PJA2: variants seen among roughly 807,000 people sequenced by gnomAD.
PJA2 encodes E3 ubiquitin-protein ligase Praja-2.
PJA2 carries 25 observed loss-of-function variants against 69.3 expected under a neutral mutation model. That is an observed-to-expected ratio of 0.36 (90% CI 0.26 to 0.50). The LOEUF (loss-of-function observed/expected upper bound fraction) is 0.50. PJA2 is among the 20% of genes least tolerant of loss of function. PJA2 has a pLI of 0.96. For synonymous variants in PJA2, 308 were observed against 277.8 expected (o/e 1.11, Z -1.08); for missense variants, 809 against 830.2 (o/e 0.97, Z 0.31).
chr5:109,387,618 G>C (rs1325472221), intron 1 of PJA2, among the ~76,000 whole-genome samples: 3 of 152,138 alleles, frequency 2.0e-5, no homozygotes, highest in Non-Finnish European at 4.4e-5. Context: ...ATATAAACGT[G>C]TTGCTAAGAA....
rs1226709401 is a variant in PJA2, at chr5:109,354,415, TA to T, written c.1764+1499del. ...CTGATATCTAGAGATATCTATAGAT[TA>T]GATATCTATGATATCTAGAGATGTC... On this transcript the variant is annotated intron_variant, in intron 7 of 9. Transcript: ENST00000361189. Among the ~76,000 whole-genome samples, 73 of 144,122 alleles carry T rather than the reference TA, an allele frequency of 5.1e-4. 3 individuals carry two copies. The highest frequency in any genetic ancestry group is 1.7e-3 in the African/African-American group (63 of 37,702). 94.5% of individuals were successfully genotyped at this position (144,122 alleles called of 152,430 possible).
intron 7 of PJA2, among the ~76,000 whole-genome samples, chr5:109,354,629 ATATAT>A (rs1228385510): frequency 6.9e-6 from 1 of 145,254 alleles, no homozygotes; most frequent in Non-Finnish European, 1.5e-5. Context: ...TCGATATTAG[ATATAT>A]TAGATATATG....
At position 109,379,165 on chromosome 5, in the gene PJA2, C is replaced by A; in HGVS notation, c.322G>T (p.Ala108Ser). 3 of 1,613,992 alleles carry A rather than the reference C, an allele frequency of 1.9e-6. No homozygotes were observed. Among genetic ancestry groups the A allele is most frequent in the Non-Finnish European group, 2.5e-6 (3 of 1,179,932 alleles). Residue 108 changes from alanine (A) to serine (S), a missense_variant, in exon 4 of 10, where the codon GCA becomes TCA. Around this residue, in one of 4 missense-constraint regions of PJA2, gnomAD observed 700 missense variants for 639.5 expected, o/e 1.09. Coordinates refer to ENST00000361189, the MANE Select transcript of PJA2 (RefSeq NM_014819.5). ...SETEIPTCGSALNQTTESSQS... is the reference protein window; with the variant it reads ...SETEIPTCGSSLNQTTESSQS... ...CTGCTCTCAGTGGTTTGATTCAATGCTGAACCACAAGTGGGAATTTCTGTT... is the reference window on the plus strand; with the variant it reads ...CTGCTCTCAGTGGTTTGATTCAATGATGAACCACAAGTGGGAATTTCTGTT...
At chr5:109,354,364 T>G (rs1762362814) in intron 7 of PJA2, among the ~76,000 whole-genome samples, 1 of 136,244 alleles carries the variant, frequency 7.3e-6, no homozygotes, top group South Asian at 2.3e-4. Flanking sequence ...TATCTATATC[T>G]AGAGATATCT....
At position 109,378,826 on chromosome 5, in the gene PJA2, A is replaced by C; in HGVS notation, c.661T>G (p.Ser221Ala). 1 of 1,613,732 alleles carries C rather than the reference A, an allele frequency of 6.2e-7. No homozygotes were observed. The highest frequency in any genetic ancestry group is 8.5e-7 in the Non-Finnish European group (1 of 1,180,018). The change falls in exon 4 of 10, where the codon TCA becomes GCA. Residue 221 changes from serine to alanine, a missense_variant. Physicochemically the swap from Ser to Ala is moderately conservative, Grantham distance 99. Coordinates refer to ENST00000361189, the MANE Select transcript of PJA2 (RefSeq NM_014819.5). ...AYTGLSPPVPSFNCEVRDEFE... is the reference protein window; with the variant it reads ...AYTGLSPPVPAFNCEVRDEFE... ...TCATCTCTTACTTCACAGTTAAATG[A>C]GGGAACTGGTGGTGAAAGACCAGTG...
At chr5:109,388,206 CCACAGA>C (rs146278774) in intron 1 of PJA2, among the ~76,000 whole-genome samples, 4,603 of 152,198 alleles carry the variant, frequency 0.03, 88 homozygotes, top group Middle Eastern at 0.048. Flanking sequence ...TCAAGTAGAC[CCACAGA>C]AAGCCCACAT....
At chr5:109,390,034 T>C (rs932115908) in intron 1 of PJA2, among the ~76,000 whole-genome samples, 27 of 152,092 alleles carry the variant, frequency 1.8e-4, no homozygotes, top group African/African-American at 6.0e-4. Flanking sequence ...ACATGTCCCA[T>C]ATGCACTTAA....
intron 9 of PJA2, among the ~76,000 whole-genome samples, chr5:109,341,239 A>G (rs867648646): frequency 8.1e-4 from 103 of 127,912 alleles, no homozygotes; most frequent in Middle Eastern, 4.6e-3. Flanking sequence ...AGTGAGGAGC[A>G]TCTCTGCCCG....
rs1201122850 is a variant in PJA2, at chr5:109,409,928, C to T, written c.-174G>A. 1.5e-5 allele frequency: 3 copies of T among 202,500 alleles called. No individual in the cohort carries two copies. The highest frequency in any genetic ancestry group is 2.9e-5 in the Non-Finnish European group (3 of 102,156). 12.5% of individuals were successfully genotyped at this position (202,500 alleles called of 1,614,324 possible). ...TTCTTCTCCGCCTCCAACTCCTCCC[C>T]CGCCGAACGCGAAGCGGCTGGCGGC... is the stretch of plus-strand genomic sequence containing the variant. On this transcript the variant is annotated 5_prime_UTR_variant, in exon 1 of 10. Transcript: ENST00000361189.
chr5:109,385,310 G>T (rs930436710), intron 1 of PJA2, among the ~76,000 whole-genome samples: 1 of 152,108 alleles, frequency 6.6e-6, no homozygotes, highest in African/African-American at 2.4e-5. Context: ...TTGGACCAGG[G>T]TTAAAATAAA....
At chr5:109,355,876 C>T in intron 7 of PJA2, 39 bp downstream of exon 7, 1 of 1,382,360 alleles carries the variant, frequency 7.2e-7, no homozygotes, top group Non-Finnish European at 1.0e-6. Context: ...ATTTTGTATC[C>T]CATCAACTTA....
At chr5:109,356,305 G>A (rs1442536269) in intron 6 of PJA2, among the ~76,000 whole-genome samples, 1 of 152,250 alleles carries the variant, frequency 6.6e-6, no homozygotes, top group East Asian at 1.9e-4. Context: ...TGTGTTTCTA[G>A]CTCTAACTCT....
intron 1 of PJA2, among the ~76,000 whole-genome samples, chr5:109,400,752 G>A (rs937320024): frequency 8.5e-5 from 13 of 152,082 alleles, no homozygotes; most frequent in African/African-American, 3.1e-4. Context: ...GGCAGAGGCA[G>A]GTGGATCACG....
intron 5 of PJA2, among the ~76,000 whole-genome samples, chr5:109,363,302 C>T (rs576632158): frequency 1.6e-4 from 25 of 152,224 alleles, no homozygotes; most frequent in African/African-American, 6.0e-4. Context: ...GTAGGAGAAA[C>T]GTAAGAAAAA....
chr5:109,370,722 G>A (rs558787366), intron 4 of PJA2, among the ~76,000 whole-genome samples: 26 of 152,286 alleles, frequency 1.7e-4, no homozygotes, highest in African/African-American at 6.3e-4. Context: ...GTTTCCTTGA[G>A]TAAGAACCTT....
rs1306651331 is a variant in PJA2 at position 109,396,447 on chromosome 5, G to A, written c.-87-12927C>T. On this transcript the variant is annotated intron_variant, in intron 1 of 9. Coordinates refer to ENST00000361189, the MANE Select transcript of PJA2 (RefSeq NM_014819.5). Reference sequence around the variant, plus strand: ...CTTTTTTTTTTTTTTTTTTTTTTGAGACAGAGTCTCACTCTGTGGCCCAGG... The same window carrying A: ...CTTTTTTTTTTTTTTTTTTTTTTGAAACAGAGTCTCACTCTGTGGCCCAGG... 7.7e-3 allele frequency among the ~76,000 whole-genome samples: 821 copies of A among 106,768 alleles called. 5 individuals are homozygous for A. Among genetic ancestry groups the A allele is most frequent in the African/African-American group, 0.028 (766 of 27,264 alleles). 70.0% of individuals were successfully genotyped at this position (106,768 alleles called of 152,430 possible). A position where few individuals can be genotyped will look rare whatever the true frequency, so the allele number is the denominator to read the frequency against.
At chr5:109,408,320 A>C (rs886544698) in intron 1 of PJA2, among the ~76,000 whole-genome samples, 3 of 152,218 alleles carry the variant, frequency 2.0e-5, no homozygotes, top group Non-Finnish European at 2.9e-5. Flanking sequence ...TTTCATTATA[A>C]ATCATCATTT....
chr5:109,398,174 GAGAAATAGGAA>G lies in PJA2; in HGVS notation c.-88+11657_-88+11667del, dbSNP rs1324839069. ...AACAACAGGTGCTGGAGAGGATGTG[GAGAAATAGGAA>G]CACTAGTTCAACCATTGTGGAAGAC... On this transcript the variant is annotated intron_variant, in intron 1 of 9. Transcript: ENST00000361189. 3.3e-5 allele frequency among the ~76,000 whole-genome samples: 5 copies of G among 152,316 alleles called. No homozygotes were observed. The East Asian group carries it at 9.6e-4, about 29-fold the overall frequency.
At chr5:109,394,844 T>C (rs1172974696) in intron 1 of PJA2, among the ~76,000 whole-genome samples, 2 of 152,234 alleles carry the variant, frequency 1.3e-5, no homozygotes, top group African/African-American at 4.8e-5. Flanking sequence ...TCTAACAGTA[T>C]GGCAGATAAA....
Sources: allele counts gnomAD v4.1 joint callset (sites outside exome capture counted in the v4.1 genomes callset), GRCh38; gene constraint gnomAD v4.1.1; regional missense constraint gnomAD v4.1.1; transcripts MANE v1.5; gene names NCBI Gene and HGNC (gene_info 2026-07-23, HGNC 2026-07-21).